Variants in PDE1C observed in about 807,000 individuals in gnomAD.
PDE1C encodes the protein phosphodiesterase 1C, also known as dual specificity calcium/calmodulin-dependent 3',5'-cyclic nucleotide phosphodiesterase 1C.
A neutral mutation model predicts 93.1 loss-of-function variants in PDE1C; 62 were observed. That is an observed-to-expected ratio of 0.67 (90% CI 0.54 to 0.82). PDE1C has a LOEUF of 0.82. Ranked by LOEUF, PDE1C falls within the 40% of genes least tolerant of loss-of-function variation. The pLI, the probability that PDE1C is intolerant of heterozygous loss-of-function variation, is 0.00. For synonymous variants in PDE1C, 325 were observed against 310.1 expected (o/e 1.05, Z -0.50); for missense variants, 742 against 884.6 (o/e 0.84, Z 2.04).
At chr7:31,715,589 C>A in the PDE1C span, among the ~76,000 whole-genome samples, 21 of 152,200 alleles carry the variant, frequency 1.4e-4, no homozygotes, top group Non-Finnish European at 2.8e-4. Context: ...ATAACCCTCT[C>A]TGTATTTTGA....
chr7:32,139,230 G>C (rs1800378707), intron 3 of PDE1C, among the ~76,000 whole-genome samples: 2 of 151,254 alleles, frequency 1.3e-5, no homozygotes, highest in Admixed American at 6.6e-5. Context: ...TGAACTACTG[G>C]GCTCAAGTGA....
intron 3 of PDE1C, among the ~76,000 whole-genome samples, chr7:32,097,750 T>A (rs1025728614): frequency 1.3e-5 from 2 of 152,176 alleles, no homozygotes; most frequent in African/African-American, 4.8e-5. Context: ...TAACTGAGAC[T>A]CACACTGGGA....
intron 3 of PDE1C, among the ~76,000 whole-genome samples, chr7:32,128,048 G>A (rs1799688014): frequency 6.6e-6 from 1 of 151,870 alleles, no homozygotes. Flanking sequence ...GATTAGAATT[G>A]AAGAAAGGAA....
chr7:32,186,098 T>TG (rs1803841938), intron 2 of PDE1C, among the ~76,000 whole-genome samples: 3 of 146,846 alleles, frequency 2.0e-5, no homozygotes, highest in African/African-American at 5.0e-5. Flanking sequence ...TTTTTTTTTT[T>TG]TTTTTTTTTT....
chr7:31,699,771 ACT>A, the PDE1C span, among the ~76,000 whole-genome samples: 1 of 151,928 alleles, frequency 6.6e-6, no homozygotes, highest in Non-Finnish European at 1.5e-5. Context: ...TAGTTCTTGC[ACT>A]GTTTAGAATT....
intron 12 of PDE1C, 74 bp downstream of exon 12, chr7:31,828,218 A>G: frequency 8.4e-7 from 1 of 1,196,228 alleles, no homozygotes; most frequent in Non-Finnish European, 1.2e-6. Flanking sequence ...CCAAAGAACC[A>G]CTGGGATCAT....
At chr7:32,382,934 AG>A (rs1181710583) in intron 1 of PDE1C, among the ~76,000 whole-genome samples, 2 of 152,176 alleles carry the variant, frequency 1.3e-5, no homozygotes, top group African/African-American at 4.8e-5. Flanking sequence ...GAAAGACAAC[AG>A]GGGGTAGAAA....
At chr7:32,213,048 A>C (rs1423403874) in intron 1 of PDE1C, among the ~76,000 whole-genome samples, 1 of 152,152 alleles carries the variant, frequency 6.6e-6, no homozygotes, top group Non-Finnish European at 1.5e-5. Flanking sequence ...TCTTTTGTAC[A>C]GTGACTATGC....
intron 2 of PDE1C, among the ~76,000 whole-genome samples, chr7:31,977,102 A>G (rs1001465992): frequency 6.6e-6 from 1 of 152,224 alleles, no homozygotes; most frequent in African/African-American, 2.4e-5. Context: ...GCTATAGTTT[A>G]AATCTGTCTC....
At chr7:32,197,382 G>A (rs1008210003) in intron 2 of PDE1C, among the ~76,000 whole-genome samples, 1 of 152,114 alleles carries the variant, frequency 6.6e-6, no homozygotes, top group East Asian at 1.9e-4. Flanking sequence ...TTGGATAACA[G>A]TCTGGAAGTT....
At chr7:31,623,291 G>C in the PDE1C span, among the ~76,000 whole-genome samples, 1 of 151,020 alleles carries the variant, frequency 6.6e-6, no homozygotes, top group African/African-American at 2.4e-5. Context: ...GCCGGGCAGA[G>C]ACACAACCAA....
intron 1 of PDE1C, among the ~76,000 whole-genome samples, chr7:32,420,993 AAG>A (rs1167723541): frequency 6.6e-6 from 1 of 152,106 alleles, no homozygotes; most frequent in Non-Finnish European, 1.5e-5. Context: ...ATCCATGAGC[AAG>A]TCACTTGGAC....
chr7:31,636,138 T>TG, the PDE1C span, among the ~76,000 whole-genome samples: 1 of 152,174 alleles, frequency 6.6e-6, no homozygotes. Flanking sequence ...AAGAATAGCA[T>TG]GGGGGTGGCA....
At chr7:32,287,416 C>T (rs980967580) in intron 1 of PDE1C, among the ~76,000 whole-genome samples, 10 of 152,198 alleles carry the variant, frequency 6.6e-5, no homozygotes, top group Admixed American at 2.0e-4. Flanking sequence ...AAGCCCATCC[C>T]AATCCCCAGA....
intron 2 of PDE1C, among the ~76,000 whole-genome samples, chr7:32,197,473 A>T (rs1804700862): frequency 6.6e-6 from 1 of 152,196 alleles, no homozygotes; most frequent in African/African-American, 2.4e-5. Flanking sequence ...ATAAAAACAC[A>T]TATACACTTT....
intron 2 of PDE1C, among the ~76,000 whole-genome samples, chr7:31,913,349 G>C (rs964676456): frequency 1.3e-5 from 2 of 152,042 alleles, no homozygotes; most frequent in South Asian, 2.1e-4. Context: ...ACCAAGATAC[G>C]AGTTAATGCT....
chr7:31,652,327 G>C, the PDE1C span, among the ~76,000 whole-genome samples: 6,654 of 152,112 alleles, frequency 0.044, 464 homozygotes, highest in African/African-American at 0.15. Flanking sequence ...ATAAGAATAA[G>C]AATCACAGGC....
At chr7:31,650,950 G>A in the PDE1C span, among the ~76,000 whole-genome samples, 1 of 152,098 alleles carries the variant, frequency 6.6e-6, no homozygotes, top group Non-Finnish European at 1.5e-5. Flanking sequence ...CCCTTCTGTT[G>A]CAGATGAGCA....
intron 2 of PDE1C, chr7:32,209,344 G>A (rs1284596153): frequency 4.3e-6 from 3 of 696,968 alleles, no homozygotes; most frequent in South Asian, 2.0e-5. Context: ...CTGGGCTCAA[G>A]TGGGATGTTA....
Sources: gnomAD v4.1 joint callset for allele counts (sites outside exome capture counted in the v4.1 genomes callset) on GRCh38, gnomAD v4.1.1 for gene constraint, MANE v1.5 for transcripts, NCBI Gene and HGNC (gene_info 2026-07-23, HGNC 2026-07-21) for gene names.